Variants in MYORG observed in about 807,000 individuals in gnomAD.
MYORG encodes alpha-galactosidase MYORG.
MYORG carries 45 observed loss-of-function variants against 49.8 expected under a neutral mutation model. That is an observed-to-expected ratio of 0.90 (90% CI 0.71 to 1.16). The LOEUF is 1.16. Ranked by LOEUF, MYORG falls within the 50% of genes most tolerant of loss-of-function variation. The pLI is 0.00. For missense variants in MYORG, 1,110 were observed against 1,026.5 expected (o/e 1.08, Z -1.11); for synonymous variants, 552 against 462.9 (o/e 1.19, Z -2.47).
chr9:34,373,156 G>C, intron 1 of MYORG, 150 bp from the exon 2 acceptor site: 1 of 618,512 alleles, frequency 1.6e-6, no homozygotes, highest in Non-Finnish European at 2.8e-6. Flanking sequence ...CCCTTACCAG[G>C]ACAATCTGTG....
At chr9:34,374,056 A>G (rs1396222889) in intron 1 of MYORG, among the ~76,000 whole-genome samples, 1 of 152,050 alleles carries the variant, frequency 6.6e-6, no homozygotes, top group Non-Finnish European at 1.5e-5. Context: ...TCCATCACCA[A>G]ATCCATTTCC....
Position 34,371,972 on chromosome 9 carries a change from G to A in MYORG, c.972C>T (p.Tyr324=). 1.9e-6 allele frequency: 3 copies of A among 1,614,018 alleles called. No individual in the cohort carries two copies. Among genetic ancestry groups the A allele is most frequent in the South Asian group, 1.1e-5 (1 of 91,088 alleles). The change falls in exon 2 of 2, where the codon TAC becomes TAT. Residue 324 remains tyrosine, a synonymous_variant. Coordinates refer to ENST00000297625, the MANE Select transcript of MYORG (RefSeq NM_020702.5). ...CCTTGTCCTGGTCCACGGCGCGCCC[G>A]TACAGCGCCCATGTGGACCAAATGG... ...RDPIWSTWAL[Y]GRAVDQDKVL...
At position 34,370,951 on chromosome 9, in the gene MYORG, C is replaced by G; in HGVS notation, c.1993G>C (p.Val665Leu). 1 of 1,613,486 alleles carries G rather than the reference C, an allele frequency of 6.2e-7. No homozygotes were observed. The change falls in exon 2 of 2, where the codon GTG (valine) becomes CTG (leucine). Residue 665 changes from valine to leucine, a missense_variant. Val to Leu is a conservative substitution (Grantham distance 32). Coordinates refer to ENST00000297625, the MANE Select transcript of MYORG (RefSeq NM_020702.5). ...LIGDTLLVAP[V>L]LEPGKQERDV... Reference sequence around the variant, plus strand: ...CGCTCCTGCTTGCCTGGCTCCAGCACCGGGGCCACAAGCAGCGTGTCCCCA... The same window carrying G: ...CGCTCCTGCTTGCCTGGCTCCAGCAGCGGGGCCACAAGCAGCGTGTCCCCA...
Position 34,372,794 on chromosome 9 carries a change from A to G in MYORG, c.150T>C (p.Pro50=). 6.2e-7 allele frequency: 1 copy of G among 1,614,026 alleles called. No individual in the cohort carries two copies. The highest frequency in any genetic ancestry group is 8.5e-7 in the Non-Finnish European group (1 of 1,179,886). ...CCAGCAGCGGCTTCAGGTCTTTGGA[A>G]GGCTTGGGCTTGGCAGGTGAGAAGT... ...PDNFSPAKPK[P]SKDLKPLLGS... Residue 50 remains proline, a synonymous_variant, in exon 2 of 2, where the codon CCT becomes CCC. Transcript: ENST00000297625.
At position 34,371,737 on chromosome 9, in the gene MYORG, C is replaced by T. The variant is rs747426060; in HGVS notation, c.1207G>A (p.Gly403Ser). The T allele has an allele frequency of 6.2e-7, 1 of 1,612,718 alleles. No individual in the cohort carries two copies. Among genetic ancestry groups the T allele is most frequent in the Non-Finnish European group, 8.5e-7 (1 of 1,179,396 alleles). The change falls in exon 2 of 2, where the codon GGC becomes AGC. Residue 403 changes from glycine (G) to serine (S), a missense_variant. By Grantham distance (56) the Gly-to-Ser change is moderately conservative (BLOSUM62 0). Transcript: ENST00000297625. The stretch of plus-strand genomic sequence containing the variant: ...AACAGCTCGCGCTCCACGCCCTCGC[C>T]GAAGCGCGACGAGTTGTAGTTGACA... ...PFVNYNSSRF[G>S]EGVERELFVR...
intron 1 of MYORG, among the ~76,000 whole-genome samples, chr9:34,373,653 A>G (rs774917553): frequency 4.1e-4 from 62 of 152,136 alleles, no homozygotes; most frequent in South Asian, 1.7e-3. Flanking sequence ...GGGTTTCACC[A>G]TGTTGGTCAG....
Position 34,371,381 on chromosome 9 carries a change from G to A in MYORG, c.1563C>T (p.Arg521=), listed in dbSNP as rs1820593523. ...CCAGGTCGTAGCCCCACACAGAGTC[G>A]CGATCCACCAGGCGGAAGAAGCAGG... ...NISCFFRLVD[R]DSVWGYDLGL... is the part of the protein sequence containing the mutation. Residue 521 remains arginine, a synonymous_variant, in exon 2 of 2, where the codon CGC becomes CGT. Transcript: ENST00000297625. The A allele has an allele frequency of 6.2e-7, 1 of 1,613,128 alleles. No individual in the cohort carries two copies. The highest frequency in any genetic ancestry group is 1.3e-5 in the African/African-American group (1 of 74,942).
In MYORG at chr9:34,372,665, C is replaced by T; in HGVS notation, c.279G>A (p.Leu93=). The change falls in exon 2 of 2, where the codon CTG becomes CTA. Residue 93 remains leucine, a synonymous_variant. Coordinates refer to ENST00000297625, the MANE Select transcript of MYORG (RefSeq NM_020702.5). The part of the protein sequence containing the change: ...RKAERLRAEL[L]DLKAGGFSIR... The stretch of plus-strand genomic sequence containing the variant: ...TGGAGAAGCCGCCAGCTTTCAGGTC[C>T]AGCAGCTCCGCGCGAAGTCGCTCCG... The T allele has an allele frequency of 6.2e-7, 1 of 1,608,264 alleles. No homozygotes were observed. Among genetic ancestry groups the T allele is most frequent in the Non-Finnish European group, 8.5e-7 (1 of 1,177,494 alleles).
rs781425533 is a variant in MYORG at position 34,372,677 on chromosome 9, G to T, written c.267C>A (p.Arg89=). ...SVSLRKAERL[R]AELLDLKAGG... ...CAGCTTTCAGGTCCAGCAGCTCCGC[G>T]CGAAGTCGCTCCGCCTTGCGTAGGG... The change falls in exon 2 of 2, where the codon CGC becomes CGA. Residue 89 remains arginine (R), a synonymous_variant. Coordinates refer to ENST00000297625, the MANE Select transcript of MYORG (RefSeq NM_020702.5). 4 of 1,609,152 alleles carry T rather than the reference G, an allele frequency of 2.5e-6. No homozygotes were observed. The highest frequency in any genetic ancestry group is 3.4e-6 in the Non-Finnish European group (4 of 1,177,888).
At position 34,366,855 on chromosome 9, in the gene MYORG, A is replaced by C. The variant is rs1417510768; in HGVS notation, c.*3944T>G. On this transcript the variant is annotated 3_prime_UTR_variant, in exon 2 of 2. Coordinates refer to ENST00000297625, the MANE Select transcript of MYORG (RefSeq NM_020702.5). ...GTCACAGAGCTGGTAGATAAGTGAT[A>C]GAATCAGCACTTGAGTTGTGCATCT... 4.6e-5 allele frequency: 7 copies of C among 152,220 alleles called. No homozygotes were observed. 9.4% of individuals were successfully genotyped at this position (152,220 alleles called of 1,614,324 possible). A position where few individuals can be genotyped will look rare whatever the true frequency, so the allele number is the denominator to read the frequency against.
chr9:34,372,583 C>T lies in MYORG; in HGVS notation c.361G>A (p.Asp121Asn), dbSNP rs1820643164. The change falls in exon 2 of 2, where the codon GAC (aspartate) becomes AAC (asparagine). Residue 121 changes from aspartate (D) to asparagine (N), a missense_variant. Transcript: ENST00000297625. ...FRLAFRSGAL[D>N]LDSCSRDGAL... ...CCATCGCGGCTGCAGGAGTCAAGGT[C>T]CAGCGCGCCGGAGCGGAAGGCCAGG... 6.2e-7 allele frequency: 1 copy of T among 1,603,292 alleles called. No individual in the cohort carries two copies. The highest frequency in any genetic ancestry group is 8.5e-7 in the Non-Finnish European group (1 of 1,175,512).
rs749417541 is a variant in MYORG at position 34,371,820 on chromosome 9, T to C, written c.1124A>G (p.Asp375Gly). 1.4e-5 allele frequency: 22 copies of C among 1,613,906 alleles called. No individual in the cohort carries two copies. The East Asian group carries it at 4.7e-4, about 34-fold the overall frequency. Residue 375 changes from aspartate (D) to glycine (G), a missense_variant, in exon 2 of 2, where the codon GAC (aspartate) becomes GGC (glycine). Transcript: ENST00000297625. ...GGCGTCGCGCAGGCGGCGGAACATG[T>C]CGCTGGCGTTGGGGAATTTGACCTC... The part of the protein sequence containing the change: ...FDEVKFPNAS[D>G]MFRRLRDAGF...
Position 34,371,290 on chromosome 9 carries a change from C to T in MYORG, c.1654G>A (p.Asp552Asn), listed in dbSNP as rs753183916. 6.2e-7 allele frequency: 1 copy of T among 1,611,224 alleles called. No individual in the cohort carries two copies. The highest frequency in any genetic ancestry group is 1.1e-5 in the South Asian group (1 of 90,662). Reference protein sequence around the residue: ...SMLGYPFILPDMVGGNAVPQR... With the variant: ...SMLGYPFILPNMVGGNAVPQR... Reference sequence around the variant, plus strand: ...GGCACGGCGTTGCCGCCCACCATATCGGGTAGGATGAATGGGTAGCCCAGC... The same window carrying T: ...GGCACGGCGTTGCCGCCCACCATATTGGGTAGGATGAATGGGTAGCCCAGC... Residue 552 changes from aspartate (D) to asparagine (N), a missense_variant, in exon 2 of 2, where the codon GAT (aspartate) becomes AAT (asparagine). Coordinates refer to ENST00000297625, the MANE Select transcript of MYORG (RefSeq NM_020702.5).
rs952102282 is a variant in MYORG, at chr9:34,370,739, G to A, written c.*60C>T. 2 of 1,488,742 alleles carry A rather than the reference G, an allele frequency of 1.3e-6. No individual in the cohort carries two copies. The highest frequency in any genetic ancestry group is 2.4e-5 in the East Asian group (1 of 41,202). The allele number at this position is 1,488,742 out of a possible 1,614,324, so 92.2% of individuals were successfully genotyped here. A position where few individuals can be genotyped will look rare whatever the true frequency, so the allele number is the denominator to read the frequency against. On this transcript the variant is annotated 3_prime_UTR_variant, in exon 2 of 2. Transcript: ENST00000297625. ...TGGGAGTACATGGTGCGGGTGTGACGGAGGGTTCAAGGTCTGCATGAAGAC... is the reference window on the plus strand; with the variant it reads ...TGGGAGTACATGGTGCGGGTGTGACAGAGGGTTCAAGGTCTGCATGAAGAC...
In MYORG at chr9:34,372,966, C is replaced by G. The variant is rs1554672132; in HGVS notation, c.-23G>C. 7 of 1,605,480 alleles carry G rather than the reference C, an allele frequency of 4.4e-6. No individual in the cohort carries two copies. The highest frequency in any genetic ancestry group is 6.0e-6 in the Non-Finnish European group (7 of 1,174,360). On this transcript the variant is annotated 5_prime_UTR_variant, in exon 2 of 2. Transcript: ENST00000297625. Reference sequence around the variant, plus strand: ...CATTAGTGGGCTGCTAAGAAAGGAGCGGGCCGTGGGGCCATCTGACTGAGT... The same window carrying G: ...CATTAGTGGGCTGCTAAGAAAGGAGGGGGCCGTGGGGCCATCTGACTGAGT...
Position 34,372,057 on chromosome 9 carries a change from A to AT in MYORG, c.886dup (p.Met296AsnfsTer72). The AT allele has an allele frequency of 6.2e-7, 1 of 1,613,834 alleles. No homozygotes were observed. Among genetic ancestry groups the AT allele is most frequent in the Non-Finnish European group, 8.5e-7 (1 of 1,179,858 alleles). ...CGGCTTGTTGAAGTAGCGACGCACC[A>AT]TGTACTTGTGGATGGAGGTGACGTC... On this transcript the variant is annotated frameshift_variant, in exon 2 of 2. Transcript: ENST00000297625. LOFTEE classifies it high-confidence loss of function.
rs1820576278 is a variant in MYORG at position 34,370,776 on chromosome 9, C to A, written c.*23G>T. 1.9e-6 allele frequency: 3 copies of A among 1,543,624 alleles called. No individual in the cohort carries two copies. In the Admixed American group the frequency reaches 5.6e-5, roughly 29 times the overall value. Reference sequence around the variant, plus strand: ...GTCTGCATGAAGACTGGGGGCTTTGCGGTTACCGGGCCCTGGGCTGGGTCA... The same window carrying A: ...GTCTGCATGAAGACTGGGGGCTTTGAGGTTACCGGGCCCTGGGCTGGGTCA... On this transcript the variant is annotated 3_prime_UTR_variant, in exon 2 of 2. Coordinates refer to ENST00000297625, the MANE Select transcript of MYORG (RefSeq NM_020702.5).
chr9:34,373,418 T>C (rs1186938543), intron 1 of MYORG, among the ~76,000 whole-genome samples: 1 of 151,676 alleles, frequency 6.6e-6, no homozygotes, highest in Non-Finnish European at 1.5e-5. Context: ...GTGTGGATGG[T>C]CAGGGTGGGA....
rs997493180 is a variant in MYORG at position 34,371,711 on chromosome 9, G to A, written c.1233C>T (p.Phe411=). ...GTAACCGGCCCGTGGGTTCGCGCAC[G>A]AACAGCTCGCGCTCCACGCCCTCGC... is the stretch of plus-strand genomic sequence containing the variant. ...RFGEGVEREL[F]VREPTGRLPA... is the part of the protein sequence containing the mutation. Residue 411 remains phenylalanine (F), a synonymous_variant, in exon 2 of 2, where the codon TTC becomes TTT. Transcript: ENST00000297625. 1.2e-6 allele frequency: 2 copies of A among 1,611,532 alleles called. No homozygotes were observed. Among genetic ancestry groups the A allele is most frequent in the South Asian group, 1.1e-5 (1 of 90,846 alleles).
Sources: gnomAD v4.1 joint callset for allele counts (sites outside exome capture counted in the v4.1 genomes callset) on GRCh38, gnomAD v4.1.1 for gene constraint, MANE v1.5 for transcripts, NCBI Gene and HGNC (gene_info 2026-07-23, HGNC 2026-07-21) for gene names.